Variants in NAV2 observed in about 807,000 individuals in gnomAD.
NAV2 encodes the protein neuron navigator 2.
A neutral mutation model predicts 223.2 loss-of-function variants in NAV2; 54 were observed. The observed-to-expected ratio is 0.24, with a 90% CI of 0.19 to 0.30. The LOEUF (loss-of-function observed/expected upper bound fraction) is 0.30. NAV2 is among the 10% of genes least tolerant of loss of function. The probability of loss-of-function intolerance (pLI) is 1.00; values close to 1 mark genes in which losing one functional copy is unlikely to be tolerated. For missense variants in NAV2, 2,806 were observed against 3,147.5 expected (o/e 0.89, Z 2.60); for synonymous variants, 1,279 against 1,239.3 (o/e 1.03, Z -0.67).
chr11:19,859,949 A>T (rs1793897149), intron 3 of NAV2, among the ~76,000 whole-genome samples: 1 of 127,640 alleles, frequency 7.8e-6, no homozygotes, highest in East Asian at 2.6e-4. Flanking sequence ...GCGGCCGGGC[A>T]GAGGTGCCCC....
chr11:19,820,998 C>T lies in NAV2; in HGVS notation c.268-11486C>T, dbSNP rs529728672. On this transcript the variant is annotated intron_variant, in intron 1 of 37. Coordinates refer to ENST00000349880, the MANE Select transcript of NAV2 (RefSeq NM_145117.5). ...AGATCGAGGGCCGGGCGCAGTGGCT[C>T]ACGCCTGTAATCCCAGCACTTTGGG... Among the ~76,000 whole-genome samples, 11 of 152,336 alleles carry T rather than the reference C, an allele frequency of 7.2e-5. No individual in the cohort carries two copies. In the East Asian group the frequency reaches 1.2e-3, roughly 16 times the overall value.
intron 22 of NAV2, among the ~76,000 whole-genome samples, chr11:20,068,766 G>T (rs114439457): frequency 1.9e-3 from 289 of 152,212 alleles, no homozygotes; most frequent in African/African-American, 6.7e-3. Context: ...GAAAGAAGGG[G>T]GAAGAAAAGA....
chr11:19,380,032 G>T (rs79550323), intron 1 of NAV2, among the ~76,000 whole-genome samples: 3,709 of 151,844 alleles, frequency 0.024, 167 homozygotes, highest in African/African-American at 0.079. Context: ...GGATAAATAC[G>T]GCCATGATGG....
intron 6 of NAV2, among the ~76,000 whole-genome samples, chr11:19,915,460 C>T (rs2043723219): frequency 1.3e-5 from 2 of 152,200 alleles, no homozygotes; most frequent in Non-Finnish European, 1.5e-5. Flanking sequence ...CTGTGCCCTC[C>T]CTTCTCACTG....
At chr11:19,369,460 T>TC (rs1438235691) in intron 1 of NAV2, among the ~76,000 whole-genome samples, 1 of 152,214 alleles carries the variant, frequency 6.6e-6, no homozygotes, top group African/African-American at 2.4e-5. Context: ...TAGTTATCAC[T>TC]TAATGTGATT....
chr11:19,589,996 A>G (rs2046012843), intron 1 of NAV2, among the ~76,000 whole-genome samples: 1 of 152,192 alleles, frequency 6.6e-6, no homozygotes, highest in Non-Finnish European at 1.5e-5. Flanking sequence ...CAACTTCCTC[A>G]GTCTTGTGTA....
upstream of NAV2, among the ~76,000 whole-genome samples, chr11:19,710,482 T>C (rs2049831390): frequency 6.6e-6 from 1 of 152,218 alleles, no homozygotes; most frequent in African/African-American, 2.4e-5. Context: ...ATCTCAAGTT[T>C]TAGTATGCAT....
chr11:19,397,881 T>C (rs556166232), intron 1 of NAV2, among the ~76,000 whole-genome samples: 1 of 151,688 alleles, frequency 6.6e-6, no homozygotes, highest in South Asian at 2.1e-4. Flanking sequence ...TGGGCTGCAG[T>C]AGGGGAGGGG....
At chr11:19,376,268 AAAAC>A (rs751368228) in intron 1 of NAV2, among the ~76,000 whole-genome samples, 22 of 152,238 alleles carry the variant, frequency 1.4e-4, no homozygotes, top group Non-Finnish European at 2.4e-4. Flanking sequence ...GTGGATTTAA[AAAAC>A]AAACAAACAA....
At chr11:20,109,761 G>A (rs982779873) in intron 36 of NAV2, among the ~76,000 whole-genome samples, 5 of 152,200 alleles carry the variant, frequency 3.3e-5, no homozygotes, top group African/African-American at 1.2e-4. Context: ...CTCTAAATGT[G>A]GTCTTCTGGT....
Position 20,106,181 on chromosome 11 carries a change from G to A in NAV2, c.6841+454G>A, listed in dbSNP as rs1412476132. Among the ~76,000 whole-genome samples, 25 of 14,906 alleles carry A rather than the reference G, an allele frequency of 1.7e-3. 1 individual carries two copies. The highest frequency in any genetic ancestry group is 3.6e-3 in the African/African-American group (24 of 6,724). The allele number at this position is 14,906 out of a possible 152,430, so 9.8% of individuals were successfully genotyped here. On this transcript the variant is annotated intron_variant, in intron 35 of 37. Transcript: ENST00000349880. Reference sequence around the variant, plus strand: ...TATATATATATATATATATATGTGTGTGTATATATATATATATATATATAT... The same window carrying A: ...TATATATATATATATATATATGTGTATGTATATATATATATATATATATAT...
chr11:19,558,419 A>G (rs1484007007), intron 1 of NAV2, among the ~76,000 whole-genome samples: 1 of 152,210 alleles, frequency 6.6e-6, no homozygotes, highest in Non-Finnish European at 1.5e-5. Context: ...ATGGTTTTAC[A>G]TGGCATTGTG....
intron 1 of NAV2, among the ~76,000 whole-genome samples, chr11:19,781,883 A>G (rs1397838874): frequency 6.6e-6 from 1 of 152,198 alleles, no homozygotes; most frequent in Non-Finnish European, 1.5e-5. Context: ...CCACTATCAA[A>G]CTAATTAACA....
intron 1 of NAV2, among the ~76,000 whole-genome samples, chr11:19,479,847 T>C (rs919427575): frequency 1.3e-5 from 2 of 152,178 alleles, no homozygotes; most frequent in African/African-American, 4.8e-5. Context: ...ACACTGTGCA[T>C]GTGCGCACAC....
intron 6 of NAV2, 102 bp downstream of exon 6, chr11:19,892,696 C>A: frequency 7.7e-7 from 1 of 1,291,064 alleles, no homozygotes; most frequent in Non-Finnish European, 1.1e-6. Flanking sequence ...GGGGTTGCAT[C>A]TGTGTTGAGA....
At position 19,948,107 on chromosome 11, in the gene NAV2, T is replaced by C. The variant is rs572080692; in HGVS notation, c.2256-584T>C. ...TTATTTTTTTTTTTGCCGGGGGGGA[T>C]GGAGTCTCACTCTCTGTCGGCAGGC... On this transcript the variant is annotated intron_variant, in intron 9 of 37. Coordinates refer to ENST00000349880, the MANE Select transcript of NAV2 (RefSeq NM_145117.5). Among the ~76,000 whole-genome samples the C allele has an allele frequency of 3.3e-5, 5 of 151,762 alleles. No individual in the cohort carries two copies. In the South Asian group the frequency reaches 8.3e-4, roughly 25 times the overall value.
intron 20 of NAV2, among the ~76,000 whole-genome samples, chr11:20,062,581 CT>C (rs1272588954): frequency 6.6e-6 from 1 of 152,230 alleles, no homozygotes; most frequent in East Asian, 1.9e-4. Context: ...TGGCATTGTG[CT>C]TTAGGTGATA....
chr11:19,926,601 A>G (rs2044769603), intron 6 of NAV2, among the ~76,000 whole-genome samples: 3 of 151,866 alleles, frequency 2.0e-5, no homozygotes, highest in South Asian at 4.2e-4. Context: ...GACTCTGAAA[A>G]CAGTCTCTAG....
chr11:19,420,501 G>T (rs1477398838), intron 1 of NAV2, among the ~76,000 whole-genome samples: 1 of 152,176 alleles, frequency 6.6e-6, no homozygotes, highest in Non-Finnish European at 1.5e-5. Flanking sequence ...GCCAAAATCT[G>T]AGTAGTATTC....
Sources: gnomAD v4.1 joint callset for allele counts (sites outside exome capture counted in the v4.1 genomes callset) on GRCh38, gnomAD v4.1.1 for gene constraint, MANE v1.5 for transcripts, NCBI Gene and HGNC (gene_info 2026-07-23, HGNC 2026-07-21) for gene names.